Variants in FSTL5 observed in about 807,000 individuals in gnomAD.
The protein encoded by FSTL5 is follistatin-related protein 5.
A neutral mutation model predicts 89.1 loss-of-function variants in FSTL5; 62 were observed. The ratio of observed to expected loss-of-function variants is 0.70; its 90% CI spans 0.57 to 0.86. The LOEUF (loss-of-function observed/expected upper bound fraction) is 0.86. Among genes scored for constraint, FSTL5 ranks in the 40% least tolerant of loss-of-function variants. The probability of loss-of-function intolerance (pLI) is 0.00; values close to 1 mark genes in which losing one functional copy is unlikely to be tolerated. For missense variants in FSTL5, 1,057 were observed against 1,001.6 expected (o/e 1.06, Z -0.75); for synonymous variants, 383 against 346.2 (o/e 1.11, Z -1.18).
chr4:162,110,379 A>G (rs537736352), intron 2 of FSTL5, among the ~76,000 whole-genome samples: 23 of 152,116 alleles, frequency 1.5e-4, no homozygotes, highest in African/African-American at 5.5e-4. Flanking sequence ...TGGCTATTTT[A>G]TCAAAATATT....
intron 6 of FSTL5, among the ~76,000 whole-genome samples, chr4:161,669,330 G>T (rs1044524151): frequency 6.6e-6 from 1 of 151,920 alleles, no homozygotes; most frequent in African/African-American, 2.4e-5. Flanking sequence ...AAAAGATCAA[G>T]ATGAACCAAT....
chr4:161,404,084 G>T (rs1458023347), intron 15 of FSTL5, among the ~76,000 whole-genome samples: 1 of 152,170 alleles, frequency 6.6e-6, no homozygotes, highest in Admixed American at 6.5e-5. Context: ...CCAAGTGACT[G>T]TGTTTGCGCA....
chr4:161,558,093 G>A (rs1249205919), intron 8 of FSTL5, among the ~76,000 whole-genome samples: 1 of 151,912 alleles, frequency 6.6e-6, no homozygotes, highest in African/African-American at 2.4e-5. Context: ...CAATGCAGAT[G>A]GATATCCAGA....
chr4:162,087,400 G>A (rs1730362983), intron 2 of FSTL5, among the ~76,000 whole-genome samples: 1 of 152,044 alleles, frequency 6.6e-6, no homozygotes, highest in Non-Finnish European at 1.5e-5. Flanking sequence ...AATATTCTCA[G>A]TTCGTATAAT....
chr4:161,615,831 T>A (rs989390146), intron 7 of FSTL5, among the ~76,000 whole-genome samples: 23 of 152,154 alleles, frequency 1.5e-4, no homozygotes, highest in African/African-American at 5.5e-4. Context: ...ACTATTATTA[T>A]ATTTCTGACA....
intron 6 of FSTL5, among the ~76,000 whole-genome samples, chr4:161,697,491 A>G (rs1444155517): frequency 6.6e-6 from 1 of 152,178 alleles, no homozygotes; most frequent in African/African-American, 2.4e-5. Flanking sequence ...ATTGTGTGCA[A>G]CATAAAGTTT....
At chr4:161,640,317 C>T (rs1000216042) in intron 7 of FSTL5, among the ~76,000 whole-genome samples, 3 of 152,030 alleles carry the variant, frequency 2.0e-5, no homozygotes, top group African/African-American at 7.2e-5. Flanking sequence ...AAGAGTAAAT[C>T]AACAGAAACT....
rs539665369 is a variant in FSTL5, at chr4:161,706,238, C to G, written c.728-49744G>C. Among the ~76,000 whole-genome samples the G allele has an allele frequency of 2.0e-5, 3 of 151,222 alleles. No homozygotes were observed. In the South Asian group the frequency reaches 6.2e-4, roughly 31 times the overall value. On this transcript the variant is annotated intron_variant, in intron 6 of 15. Transcript: ENST00000306100. Reference sequence around the variant, plus strand: ...TTAGTGTTAGAATTTATCTATTAGCCTGTAGTAAGCAGGAGGAAGCCACTG... The same window carrying G: ...TTAGTGTTAGAATTTATCTATTAGCGTGTAGTAAGCAGGAGGAAGCCACTG...
At chr4:161,902,282 A>G (rs1472219836) in intron 4 of FSTL5, among the ~76,000 whole-genome samples, 2 of 152,214 alleles carry the variant, frequency 1.3e-5, no homozygotes, top group East Asian at 3.9e-4. Context: ...TGAGTTGAAA[A>G]TAGAGAATCC....
At chr4:162,158,549 A>G (rs1733572843) in intron 1 of FSTL5, among the ~76,000 whole-genome samples, 1 of 152,106 alleles carries the variant, frequency 6.6e-6, no homozygotes. Flanking sequence ...TGAAAATGAT[A>G]TAGCTAGTTA....
intron 7 of FSTL5, among the ~76,000 whole-genome samples, chr4:161,621,681 G>A (rs2126646656): frequency 6.6e-6 from 1 of 152,032 alleles, no homozygotes; most frequent in South Asian, 2.1e-4. Flanking sequence ...AAGACAATGG[G>A]AATTACCAAT....
intron 4 of FSTL5, among the ~76,000 whole-genome samples, chr4:161,839,444 T>C (rs1364820309): frequency 6.6e-6 from 1 of 152,132 alleles, no homozygotes; most frequent in African/African-American, 2.4e-5. Context: ...ACAACCCAAA[T>C]GTGTGAATGA....
At chr4:162,102,166 G>T (rs553155996) in intron 2 of FSTL5, among the ~76,000 whole-genome samples, 54 of 151,560 alleles carry the variant, frequency 3.6e-4, no homozygotes, top group African/African-American at 1.2e-3. Context: ...AAGACAAAGA[G>T]ATCTAATGGT....
chr4:161,731,448 G>C (rs1739609028), intron 6 of FSTL5, among the ~76,000 whole-genome samples: 1 of 151,964 alleles, frequency 6.6e-6, no homozygotes, highest in Admixed American at 6.6e-5. Flanking sequence ...GTTCTCACGA[G>C]ATCTGATGGT....
intron 8 of FSTL5, among the ~76,000 whole-genome samples, chr4:161,567,396 C>G (rs191109767): frequency 1.1e-3 from 170 of 152,182 alleles, no homozygotes; most frequent in Admixed American, 2.2e-3. Context: ...TCTTTAAGAT[C>G]AAATAAGCCT....
intron 11 of FSTL5, among the ~76,000 whole-genome samples, chr4:161,504,936 A>G (rs1305601711): frequency 1.3e-5 from 2 of 152,064 alleles, no homozygotes; most frequent in African/African-American, 2.4e-5. Flanking sequence ...CATCATAAAA[A>G]AGATTTTGTG....
At chr4:161,691,635 G>A (rs191563139) in intron 6 of FSTL5, among the ~76,000 whole-genome samples, 80 of 152,214 alleles carry the variant, frequency 5.3e-4, no homozygotes, top group African/African-American at 1.9e-3. Flanking sequence ...CAATATTGAA[G>A]TCTTCCAATT....
intron 2 of FSTL5, among the ~76,000 whole-genome samples, chr4:162,107,281 G>A (rs577658079): frequency 1.3e-5 from 2 of 152,126 alleles, no homozygotes; most frequent in East Asian, 1.9e-4. Context: ...CAGTTTCCCC[G>A]TTTACAAAAT....
intron 2 of FSTL5, among the ~76,000 whole-genome samples, chr4:162,099,724 C>G (rs1463790793): frequency 6.6e-6 from 1 of 152,034 alleles, no homozygotes; most frequent in Non-Finnish European, 1.5e-5. Flanking sequence ...AAAAACACAA[C>G]AAAAAGAAAA....
Sources: allele counts gnomAD v4.1 joint callset (sites outside exome capture counted in the v4.1 genomes callset), GRCh38; gene constraint gnomAD v4.1.1; transcripts MANE v1.5; gene names NCBI Gene and HGNC (gene_info 2026-07-23, HGNC 2026-07-21).